Variants in FUT8 observed in about 807,000 individuals in gnomAD.
FUT8 encodes alpha-(1,6)-fucosyltransferase.
A neutral mutation model predicts 71.3 loss-of-function variants in FUT8; 29 were observed. The observed-to-expected ratio is 0.41, with a 90% CI of 0.30 to 0.55. The LOEUF (loss-of-function observed/expected upper bound fraction) is 0.55. Ranked by LOEUF, FUT8 falls within the 20% of genes least tolerant of loss-of-function variation. The pLI is 0.34. For synonymous variants in FUT8, 254 were observed against 239.3 expected, an observed-to-expected ratio of 1.06 and a Z score of -0.57; for missense variants, 544 against 702.1, an observed-to-expected ratio of 0.77 and a Z score of 2.55.
At chr14:65,558,980 T>G (rs949321675) in intron 2 of FUT8, among the ~76,000 whole-genome samples, 7 of 152,172 alleles carry the variant, frequency 4.6e-5, no homozygotes, top group African/African-American at 1.7e-4. Context: ...TTTAATCTCT[T>G]AGATATTTTT....
intron 2 of FUT8, among the ~76,000 whole-genome samples, chr14:65,541,215 G>T (rs1374890768): frequency 6.6e-6 from 1 of 152,152 alleles, no homozygotes; most frequent in Admixed American, 6.5e-5. Context: ...TCTTTTACTT[G>T]TTAATATAAA....
chr14:65,575,681 C>T (rs1886733397), intron 3 of FUT8, among the ~76,000 whole-genome samples: 1 of 151,026 alleles, frequency 6.6e-6, no homozygotes, highest in South Asian at 2.1e-4. Flanking sequence ...TGCAGCGGCA[C>T]ATTCTCTGCT....
intron 10 of FUT8, among the ~76,000 whole-genome samples, chr14:65,739,657 C>G (rs1317813694): frequency 2.6e-5 from 4 of 152,098 alleles, no homozygotes; most frequent in African/African-American, 2.4e-5. Flanking sequence ...TGAAGACACC[C>G]TGAAAAGAAG....
At chr14:65,370,785 C>T in the FUT8 span, among the ~76,000 whole-genome samples, 138,257 of 152,136 alleles carry the variant, frequency 0.91, 63,064 homozygotes, top group East Asian at 1. Flanking sequence ...GAAAAACAAA[C>T]CGTTTATTAA....
intron 2 of FUT8, among the ~76,000 whole-genome samples, chr14:65,460,790 T>C (rs910595512): frequency 9.2e-5 from 14 of 152,320 alleles, no homozygotes; most frequent in Non-Finnish European, 1.9e-4. Context: ...GTGGTGGCGA[T>C]GAGGCTTGAT....
At chr14:65,719,736 T>A (rs1319073809) in intron 7 of FUT8, among the ~76,000 whole-genome samples, 1 of 152,242 alleles carries the variant, frequency 6.6e-6, no homozygotes, top group African/African-American at 2.4e-5. Context: ...TGGTCTTAGA[T>A]AAGGTCTAGA....
chr14:65,576,818 C>G (rs903836858), intron 3 of FUT8, among the ~76,000 whole-genome samples: 1 of 147,552 alleles, frequency 6.8e-6, no homozygotes, highest in South Asian at 2.1e-4. Flanking sequence ...CTCCCAGGTT[C>G]AAGCGATTCT....
At chr14:65,676,019 A>G (rs1039627494) in intron 7 of FUT8, among the ~76,000 whole-genome samples, 2 of 151,094 alleles carry the variant, frequency 1.3e-5, no homozygotes, top group Non-Finnish European at 3.0e-5. Context: ...TAAACAAAAA[A>G]TAAATGTAAT....
chr14:65,468,019 C>G (rs1243597809), intron 2 of FUT8: 4 of 681,298 alleles, frequency 5.9e-6, no homozygotes, highest in Non-Finnish European at 1.1e-5. Flanking sequence ...TCAATACGCA[C>G]ATTAATTCTC....
the FUT8 span, among the ~76,000 whole-genome samples, chr14:65,357,660 C>T: frequency 2.0e-5 from 3 of 152,168 alleles, no homozygotes; most frequent in Non-Finnish European, 1.5e-5. Context: ...GTGTAAACCT[C>T]GGCTCTGTCA....
rs2066454201 is a variant in FUT8 at position 65,489,493 on chromosome 14, C to G, written c.-228+33775C>G. Among the ~76,000 whole-genome samples the G allele has an allele frequency of 6.6e-6, 1 of 151,992 alleles. No individual in the cohort carries two copies. The highest frequency in any genetic ancestry group is 2.1e-4 in the South Asian group (1 of 4,818). ...ACATAACATGCAATTAAAAAAATTT[C>G]AGCCATTGAGAATGTTTTTATAAAT... On this transcript the variant is annotated intron_variant, in intron 2 of 10. Coordinates refer to ENST00000673929, the MANE Select transcript of FUT8 (RefSeq NM_001371533.1). The surrounding 1 kb of genome is among the most constrained non-coding windows in gnomAD (Gnocchi z 4.0).
intron 7 of FUT8, among the ~76,000 whole-genome samples, chr14:65,693,073 G>A (rs1360951458): frequency 6.6e-6 from 1 of 152,214 alleles, no homozygotes; most frequent in African/African-American, 2.4e-5. Flanking sequence ...TGGGCAGCCA[G>A]GCAGAGACGC....
intron 7 of FUT8, among the ~76,000 whole-genome samples, chr14:65,690,524 C>CTTTA (rs930311050): frequency 1.3e-5 from 2 of 151,936 alleles, no homozygotes; most frequent in African/African-American, 4.8e-5. Context: ...TGGAATAGCT[C>CTTTA]TTTATTTATT....
intron 7 of FUT8, among the ~76,000 whole-genome samples, chr14:65,697,527 CGTT>C (rs1369426823): frequency 1.3e-5 from 2 of 152,104 alleles, no homozygotes; most frequent in African/African-American, 2.4e-5. Flanking sequence ...TTAGGCCATG[CGTT>C]GTTAAGGATC....
intron 7 of FUT8, among the ~76,000 whole-genome samples, chr14:65,672,252 A>G (rs1181071563): frequency 6.6e-6 from 1 of 152,232 alleles, no homozygotes; most frequent in Admixed American, 6.5e-5. Context: ...TGTACATGCC[A>G]TGTCTATTCC....
intron 2 of FUT8, among the ~76,000 whole-genome samples, chr14:65,463,402 G>T (rs1265667077): frequency 6.6e-6 from 1 of 152,000 alleles, no homozygotes; most frequent in African/African-American, 2.4e-5. Context: ...GAGTTGCTGC[G>T]ATTGCAGGTG....
chr14:65,602,574 TA>T (rs1193808636), intron 3 of FUT8, among the ~76,000 whole-genome samples: 1 of 151,712 alleles, frequency 6.6e-6, no homozygotes, highest in Non-Finnish European at 1.5e-5. Flanking sequence ...GTTCTATTTT[TA>T]GTTCTTTAAG....
intron 3 of FUT8, 99 bp downstream of exon 3, chr14:65,561,865 T>C (rs567469316): frequency 2.1e-6 from 2 of 936,514 alleles, no homozygotes; most frequent in African/African-American, 3.3e-5. Context: ...ATTATTTTTA[T>C]AACCTGCTGT....
chr14:65,601,351 T>C (rs1225098467), intron 3 of FUT8, among the ~76,000 whole-genome samples: 3 of 152,190 alleles, frequency 2.0e-5, no homozygotes, highest in Admixed American at 6.5e-5. Flanking sequence ...GTTGTGCTTT[T>C]GCTGGGAATA....
Sources: gnomAD v4.1 joint callset for allele counts (sites outside exome capture counted in the v4.1 genomes callset) on GRCh38, gnomAD v4.1.1 for gene constraint, Gnocchi (gnomAD v3.1) non-coding constraint, MANE v1.5 for transcripts, NCBI Gene and HGNC (gene_info 2026-07-23, HGNC 2026-07-21) for gene names.